CRLF1: variants seen among roughly 807,000 people sequenced by gnomAD.
CRLF1 encodes cytokine receptor like factor 1.
A neutral mutation model predicts 48.9 loss-of-function variants in CRLF1; 36 were observed. The ratio of observed to expected loss-of-function variants is 0.74; its 90% confidence interval spans 0.56 to 0.97. The LOEUF is 0.97. Among genes scored for constraint, CRLF1 ranks in the 50% least tolerant of loss-of-function variants. CRLF1 has a pLI of 0.00. For missense variants in CRLF1, 534 were observed against 575.1 expected, an observed-to-expected ratio of 0.93 and a Z score of 0.73; for synonymous variants, 256 against 253.4, an observed-to-expected ratio of 1.01 and a Z score of -0.10.
intron 1 of CRLF1, among the ~76,000 whole-genome samples, chr19:18,602,782 A>AT (rs1568442660): frequency 3.7e-4 from 54 of 146,772 alleles, no homozygotes; most frequent in Middle Eastern, 3.5e-3. Context: ...TCAGTGTTCT[A>AT]CTTTTTTTTT....
rs1249584310 is a variant in CRLF1 at position 18,599,921 on chromosome 19, G to C, written c.116-75C>G. On this transcript the variant is annotated intron_variant, in intron 1 of 8. Transcript: ENST00000392386. ...CCCCCAACCATGCCAGGACCTCCAG[G>C]GTTCATGGTGGTCCTGAAAAGACGC... The C allele has an allele frequency of 4.4e-6, 6 of 1,376,630 alleles. No individual in the cohort carries two copies. In the Admixed American group the frequency reaches 8.9e-5, roughly 20 times the overall value. 85.3% of individuals were successfully genotyped at this position (1,376,630 alleles called of 1,614,324 possible). A position where few individuals can be genotyped will look rare whatever the true frequency, so the allele number is the denominator to read the frequency against.
chr19:18,601,512 T>C (rs1976220993), intron 1 of CRLF1, among the ~76,000 whole-genome samples: 1 of 152,154 alleles, frequency 6.6e-6, no homozygotes, highest in African/African-American at 2.4e-5. Context: ...CCTGACCTTG[T>C]GATCCGCCTG....
chr19:18,594,721 G>A (rs1976107911), intron 6 of CRLF1, among the ~76,000 whole-genome samples: 1 of 151,962 alleles, frequency 6.6e-6, no homozygotes, highest in South Asian at 2.1e-4. Context: ...AGTGGAGTGG[G>A]GGGAGGGGAG....
intron 6 of CRLF1, among the ~76,000 whole-genome samples, chr19:18,595,160 G>C (rs917443153): frequency 5.3e-5 from 8 of 152,190 alleles, no homozygotes; most frequent in African/African-American, 1.7e-4. Context: ...AAATAAAGCC[G>C]GGGACCCGCT....
Position 18,596,664 on chromosome 19 carries a change from T to C in CRLF1, c.982A>G (p.Ser328Gly), listed in dbSNP as rs922416641. The change falls in exon 6 of 9, where the codon AGT becomes GGT. Residue 328 changes from serine (S) to glycine (G), a missense_variant. By Grantham distance (56) the Ser-to-Gly change is moderately conservative. Around this residue, in one of 2 missense-constraint regions of CRLF1, gnomAD observed 528 missense variants for 555.7 expected, o/e 0.95. Transcript: ENST00000392386. The stretch of plus-strand genomic sequence containing the variant: ...GCGGCTGTGGGGTGGCTCCACTCAC[T>C]CCAGATCCCGGCTTTCTTGGAGCCA... Reference protein sequence around the residue: ...IYGSKKAGIWSEWSHPTAAST... With the variant: ...IYGSKKAGIWGEWSHPTAAST... 16 of 1,613,936 alleles carry C rather than the reference T, an allele frequency of 9.9e-6. No individual in the cohort carries two copies. Among genetic ancestry groups the C allele is most frequent in the Non-Finnish European group, 1.4e-5 (16 of 1,179,990 alleles).
chr19:18,597,038 G>T lies in CRLF1; in HGVS notation c.709C>A (p.Pro237Thr), dbSNP rs1976147607. 1.2e-6 allele frequency: 2 copies of T among 1,612,592 alleles called. No individual in the cohort carries two copies. Among genetic ancestry groups the T allele is most frequent in the Non-Finnish European group, 1.7e-6 (2 of 1,179,458 alleles). ...CGGCTCACGTGCACGTCGGGCGGGG[G>T]GTCCGTGGTCACTGCGGGGCAGAGG... is the stretch of plus-strand genomic sequence containing the variant. ...LDILDVVTTD[P>T]PPDVHVSRVG... The change falls in exon 5 of 9, where the codon CCC becomes ACC. Residue 237 changes from proline (P) to threonine (T), a missense_variant. Pro to Thr is a conservative substitution (Grantham distance 38, BLOSUM62 -1). Coordinates refer to ENST00000392386, the MANE Select transcript of CRLF1 (RefSeq NM_004750.5).
Position 18,606,595 on chromosome 19 carries a change from G to A in CRLF1, c.62C>T (p.Pro21Leu). ...GAGGACGCAGAGCAGCAGCAGCAGG[G>A]GCAGCAACGGCGGCGGCCGCCGCGC... ...QSARRPPPLLPLLLLLCVLGA... is the reference protein window; with the variant it reads ...QSARRPPPLLLLLLLLCVLGA... Residue 21 changes from proline (P) to leucine (L), a missense_variant, in exon 1 of 9, where the codon CCC (proline) becomes CTC (leucine). Around this residue, in one of 2 missense-constraint regions of CRLF1, gnomAD observed 528 missense variants for 555.7 expected, o/e 0.95. Transcript: ENST00000392386. This position sits in a 1 kb window ranked among gnomAD's most constrained non-coding sequence, Gnocchi z 4.8. The A allele has an allele frequency of 9.0e-7, 1 of 1,108,442 alleles. No homozygotes were observed. Among genetic ancestry groups the A allele is most frequent in the Non-Finnish European group, 1.1e-6 (1 of 908,674 alleles). 68.7% of individuals were successfully genotyped at this position (1,108,442 alleles called of 1,614,324 possible). A position where few individuals can be genotyped will look rare whatever the true frequency, so the allele number is the denominator to read the frequency against.
In CRLF1 at chr19:18,606,636, G is replaced by T; in HGVS notation, c.21C>A (p.Gly7=). The change falls in exon 1 of 9, where the codon GGC becomes GGA. Residue 7 remains glycine (G), a synonymous_variant. Coordinates refer to ENST00000392386, the MANE Select transcript of CRLF1 (RefSeq NM_004750.5). This position sits in a 1 kb window ranked among gnomAD's most constrained non-coding sequence, Gnocchi z 4.8. The part of the protein sequence containing the change: MPAGRR[G]PAAQSARRPP... Reference sequence around the variant, plus strand: ...GCCGCCGCGCGGATTGGGCGGCGGGGCCCCGGCGGCCGGCGGGCATGGGGC... The same window carrying T: ...GCCGCCGCGCGGATTGGGCGGCGGGTCCCCGGCGGCCGGCGGGCATGGGGC... 1.0e-6 allele frequency: 1 copy of T among 954,776 alleles called. No individual in the cohort carries two copies. The highest frequency in any genetic ancestry group is 1.3e-6 in the Non-Finnish European group (1 of 796,352). The allele number at this position is 954,776 out of a possible 1,614,324, so 59.1% of individuals were successfully genotyped here.
In CRLF1 at chr19:18,593,404, CGTG is replaced by C; in HGVS notation, c.*159_*161del. ...TGGGGTGCACCCAAAGGTGGCCTCA[CGTG>C]GGAGTCAGAGCTGTTATGGCCGTTG... On this transcript the variant is annotated 3_prime_UTR_variant, in exon 9 of 9. Coordinates refer to ENST00000392386, the MANE Select transcript of CRLF1 (RefSeq NM_004750.5). The C allele has an allele frequency of 1.0e-6, 1 of 971,000 alleles. No homozygotes were observed. Among genetic ancestry groups the C allele is most frequent in the Non-Finnish European group, 1.5e-6 (1 of 651,846 alleles). The allele number at this position is 971,000 out of a possible 1,614,324, so 60.1% of individuals were successfully genotyped here. A position where few individuals can be genotyped will look rare whatever the true frequency, so the allele number is the denominator to read the frequency against.
chr19:18,599,973 G>C, intron 1 of CRLF1, 127 bp from the exon 2 acceptor site: 1 of 1,055,356 alleles, frequency 9.5e-7, no homozygotes. Flanking sequence ...CCATTTTACA[G>C]ATAGGGAAGG....
intron 6 of CRLF1, among the ~76,000 whole-genome samples, chr19:18,595,355 A>G (rs1185894944): frequency 6.6e-6 from 1 of 152,158 alleles, no homozygotes; most frequent in Non-Finnish European, 1.5e-5. Flanking sequence ...CTGAACCTGG[A>G]GGGGCCCAGG....
At chr19:18,604,369 CACTT>C (rs1193382868) in intron 1 of CRLF1, among the ~76,000 whole-genome samples, 1 of 152,222 alleles carries the variant, frequency 6.6e-6, no homozygotes, top group African/African-American at 2.4e-5. Flanking sequence ...GTCAGAAGGA[CACTT>C]TCTCCTCCCG....
Position 18,606,729 on chromosome 19 carries a change from C to G in CRLF1, c.-73G>C, listed in dbSNP as rs1464359488. 1.0e-5 allele frequency: 2 copies of G among 191,620 alleles called. No homozygotes were observed. Among genetic ancestry groups the G allele is most frequent in the African/African-American group, 2.4e-5 (1 of 41,370 alleles). 11.9% of individuals were successfully genotyped at this position (191,620 alleles called of 1,614,324 possible). Reference sequence around the variant, plus strand: ...GTGGCGCAGGGCGCGGGACGCAGGCCGGGCGCGGGAGGGCGCGGGCCAGGC... The same window carrying G: ...GTGGCGCAGGGCGCGGGACGCAGGCGGGGCGCGGGAGGGCGCGGGCCAGGC... On this transcript the variant is annotated 5_prime_UTR_variant, in exon 1 of 9. Coordinates refer to ENST00000392386, the MANE Select transcript of CRLF1 (RefSeq NM_004750.5). This position sits in a 1 kb window ranked among gnomAD's most constrained non-coding sequence, Gnocchi z 4.8.
At chr19:18,601,941 G>A (rs745332499) in intron 1 of CRLF1, among the ~76,000 whole-genome samples, 10 of 152,270 alleles carry the variant, frequency 6.6e-5, no homozygotes, top group Non-Finnish European at 1.2e-4. Context: ...CAAACTGCAC[G>A]TCCCCAACTC....
chr19:18,594,030 G>GGGGGGGGGGGC, intron 8 of CRLF1, 35 bp downstream of exon 8: 1 of 1,315,298 alleles, frequency 7.6e-7, no homozygotes, highest in Non-Finnish European at 1.1e-6. Context: ...CCCTCCCCTT[G>GGGGGGGGGGGC]CTCCCTCCCG....
At chr19:18,596,590 G>A (rs745787497) in intron 6 of CRLF1, 32 bp downstream of exon 6, 9 of 1,608,758 alleles carry the variant, frequency 5.6e-6, no homozygotes, top group East Asian at 4.5e-5. Context: ...CGGACTGGCC[G>A]CTGGATCACC....
intron 4 of CRLF1, among the ~76,000 whole-genome samples, chr19:18,598,140 TCC>T (rs1976167264): frequency 6.6e-6 from 1 of 151,982 alleles, no homozygotes; most frequent in African/African-American, 2.4e-5. Context: ...CCCTCCCCTC[TCC>T]CCAGGGCCCC....
intron 1 of CRLF1, among the ~76,000 whole-genome samples, chr19:18,601,354 G>A (rs1034774926): frequency 2.6e-5 from 4 of 151,588 alleles, no homozygotes; most frequent in African/African-American, 9.7e-5. Context: ...TCGGCTCACC[G>A]CAATCTCCGC....
intron 4 of CRLF1, 118 bp from the exon 5 acceptor site, chr19:18,597,167 C>A (rs955273434): frequency 1.9e-6 from 2 of 1,057,844 alleles, no homozygotes; most frequent in South Asian, 3.2e-5. Context: ...CTCCTCTTCC[C>A]TCTGCCCCCA....
Sources: gnomAD v4.1 joint callset for allele counts (sites outside exome capture counted in the v4.1 genomes callset) on GRCh38, gnomAD v4.1.1 for gene constraint, gnomAD v4.1.1 regional missense constraint, Gnocchi (gnomAD v3.1) non-coding constraint, MANE v1.5 for transcripts, NCBI Gene and HGNC (gene_info 2026-07-23, HGNC 2026-07-21) for gene names.